The following BMPER variants were observed in gnomAD, a reference collection of about 807,000 sequenced individuals.
BMPER encodes BMP binding endothelial regulator.
A neutral mutation model predicts 87.3 loss-of-function variants in BMPER; 45 were observed. The observed-to-expected ratio is 0.52, with a 90% CI of 0.41 to 0.66. The LOEUF (loss-of-function observed/expected upper bound fraction) is 0.66. BMPER is among the 30% of genes least tolerant of loss of function. BMPER has a pLI of 0.00. For synonymous variants in BMPER, 326 were observed against 316.2 expected, an observed-to-expected ratio of 1.03 and a Z score of -0.33; for missense variants, 784 against 867.5, an observed-to-expected ratio of 0.90 and a Z score of 1.21.
intron 12 of BMPER, among the ~76,000 whole-genome samples, chr7:34,079,615 G>T (rs1412412937): frequency 6.6e-6 from 1 of 152,180 alleles, no homozygotes; most frequent in Non-Finnish European, 1.5e-5. Flanking sequence ...GAGAAATAGT[G>T]TTTCTATGTT....
At chr7:33,937,411 T>C (rs1784631725) in intron 3 of BMPER, 23 bp downstream of exon 3, 1 of 1,606,062 alleles carries the variant, frequency 6.2e-7, no homozygotes, top group African/African-American at 1.3e-5. Flanking sequence ...TTGGCCGTCT[T>C]CTCTTCTGGC....
Position 34,055,293 on chromosome 7 carries a change from A to G in BMPER, c.917A>G (p.Lys306Arg), listed in dbSNP as rs759924865. ...ATCAAAGTATGCAAATTTGGCAACAAGATTTTCCAGGTATGTCATGAGACA... is the reference window on the plus strand; with the variant it reads ...ATCAAAGTATGCAAATTTGGCAACAGGATTTTCCAGGTATGTCATGAGACA... Reference protein sequence around the residue: ...EDIKVCKFGNKIFQDGEMWSS... With the variant: ...EDIKVCKFGNRIFQDGEMWSS... The change falls in exon 9 of 15, where the codon AAG becomes AGG. Residue 306 changes from lysine to arginine, a missense_variant. Lys to Arg is a conservative substitution (Grantham distance 26). Coordinates refer to ENST00000649409, the MANE Select transcript of BMPER (RefSeq NM_001365308.1). 7.4e-6 allele frequency: 12 copies of G among 1,613,976 alleles called. No homozygotes were observed. The African/African-American group carries it at 1.1e-4, about 14-fold the overall frequency.
rs187872541 is a variant in BMPER at position 34,088,587 on chromosome 7, C to G, written c.1745+2495C>G. On this transcript the variant is annotated intron_variant, in intron 13 of 14. Coordinates refer to ENST00000649409, the MANE Select transcript of BMPER (RefSeq NM_001365308.1). ...AAGCTGGACTCCAGCCCAGCTCTGCCACTGTTAGCAGTGTGCCCTGGTGGC... is the reference window on the plus strand; with the variant it reads ...AAGCTGGACTCCAGCCCAGCTCTGCGACTGTTAGCAGTGTGCCCTGGTGGC... Among the ~76,000 whole-genome samples the G allele has an allele frequency of 2.0e-3, 299 of 152,316 alleles. 2 individuals are homozygous for G. In the Middle Eastern group the frequency reaches 0.031, roughly 16 times the overall value.
intron 6 of BMPER, among the ~76,000 whole-genome samples, chr7:34,035,134 A>G (rs1161222078): frequency 6.6e-6 from 1 of 152,220 alleles, no homozygotes; most frequent in Non-Finnish European, 1.5e-5. Flanking sequence ...ACCCAGGAGC[A>G]TCATGAGTTT....
In BMPER at chr7:33,915,034, C is replaced by T. The variant is rs1585630960; in HGVS notation, c.219+8131C>T. The stretch of plus-strand genomic sequence containing the variant: ...TCATAGATGAGATTCAGTGGATCCC[C>T]AGTTGGCAGGAATCCAAAACTAAGA... On this transcript the variant is annotated intron_variant, in intron 2 of 14. Transcript: ENST00000649409. 2.0e-5 allele frequency among the ~76,000 whole-genome samples: 3 copies of T among 152,230 alleles called. No individual in the cohort carries two copies. The South Asian group carries it at 6.2e-4, about 32-fold the overall frequency.
At chr7:33,937,183 T>A (rs1280199231) in intron 2 of BMPER, 106 bp from the exon 3 acceptor site, 8 of 1,189,514 alleles carry the variant, frequency 6.7e-6, no homozygotes, top group African/African-American at 1.5e-5. Flanking sequence ...TCTTGCCAAG[T>A]GAAGGCCAGA....
chr7:34,047,150 G>C (rs927523183), intron 7 of BMPER, among the ~76,000 whole-genome samples: 11 of 152,150 alleles, frequency 7.2e-5, no homozygotes, highest in Non-Finnish European at 1.5e-4. Context: ...CACCTTCCCT[G>C]GTGTCACAAG....
intron 3 of BMPER, among the ~76,000 whole-genome samples, chr7:33,939,748 A>T (rs886065275): frequency 1.3e-5 from 2 of 152,082 alleles, no homozygotes; most frequent in African/African-American, 4.8e-5. Flanking sequence ...ACCTTTTGCC[A>T]TGATTGTAAC....
chr7:34,018,749 G>A (rs369054161), intron 6 of BMPER, among the ~76,000 whole-genome samples: 27 of 151,970 alleles, frequency 1.8e-4, no homozygotes, highest in African/African-American at 6.5e-4. Context: ...TTTTGCCTTG[G>A]AAGTTGTCTC....
intron 13 of BMPER, among the ~76,000 whole-genome samples, chr7:34,130,133 T>G (rs1790544367): frequency 1.3e-5 from 2 of 152,158 alleles, no homozygotes; most frequent in Admixed American, 6.5e-5. Context: ...GCATCTTATC[T>G]TGGACTTCCT....
rs1385080973 is a variant in BMPER, at chr7:34,078,995, A to G, written c.1217A>G (p.Lys406Arg). 1.2e-6 allele frequency: 2 copies of G among 1,614,214 alleles called. No homozygotes were observed. The highest frequency in any genetic ancestry group is 2.7e-5 in the African/African-American group (2 of 75,054). ...GCCTCGCCCTTCCAGGTGCTGGTGA[A>G]GAACGACGCCCGCCGGACACGCTCC... ...SPASPFQVLV[K>R]NDARRTRSFS... Residue 406 changes from lysine to arginine, a missense_variant, in exon 12 of 15, where the codon AAG becomes AGG. By Grantham distance (26) the Lys-to-Arg change is conservative (BLOSUM62 2). Transcript: ENST00000649409.
At chr7:34,064,437 T>C (rs1445772206) in intron 11 of BMPER, among the ~76,000 whole-genome samples, 1 of 152,208 alleles carries the variant, frequency 6.6e-6, no homozygotes. Flanking sequence ...AGCTGGACTT[T>C]CCATATCTAG....
At chr7:33,918,651 C>T (rs1345712007) in intron 2 of BMPER, among the ~76,000 whole-genome samples, 1 of 152,232 alleles carries the variant, frequency 6.6e-6, no homozygotes, top group East Asian at 1.9e-4. Context: ...CACTTGGGAG[C>T]CGCTATGCCA....
intron 3 of BMPER, among the ~76,000 whole-genome samples, chr7:33,963,053 A>T (rs1467356934): frequency 6.6e-6 from 1 of 152,242 alleles, no homozygotes; most frequent in Non-Finnish European, 1.5e-5. Flanking sequence ...TAATTTTCAC[A>T]TGGCACCTGG....
chr7:34,065,243 T>TCTCC lies in BMPER; in HGVS notation c.1078+3199_1078+3200insCCTC, dbSNP rs1554313036. ...CTCTCTCTCTCTCTCTCTCTCTCTCTCTCTCCCTCTCTCTCTCTCTCCCCA... is the reference window on the plus strand; with the variant it reads ...CTCTCTCTCTCTCTCTCTCTCTCTCTCTCCCTCTCCCTCTCTCTCTCTCTCCCCA... On this transcript the variant is annotated intron_variant, in intron 11 of 14. Transcript: ENST00000649409. Among the ~76,000 whole-genome samples the TCTCC allele has an allele frequency of 1.3e-3, 167 of 130,322 alleles. 1 individual carries two copies. Among genetic ancestry groups the TCTCC allele is most frequent in the African/African-American group, 4.4e-3 (163 of 37,168 alleles). 85.5% of individuals were successfully genotyped at this position (130,322 alleles called of 152,430 possible).
At chr7:34,141,924 G>A (rs1444895123) in intron 13 of BMPER, among the ~76,000 whole-genome samples, 1 of 152,152 alleles carries the variant, frequency 6.6e-6, no homozygotes, top group Non-Finnish European at 1.5e-5. Context: ...TTTATACCCA[G>A]AGGTAGCTGA....
At chr7:34,079,879 C>T (rs1437087911) in intron 12 of BMPER, among the ~76,000 whole-genome samples, 2 of 152,142 alleles carry the variant, frequency 1.3e-5, no homozygotes, top group Non-Finnish European at 1.5e-5. Context: ...TTGGGCCAAA[C>T]TATTTTTGAC....
chr7:33,905,872 G>T, intron 1 of BMPER, 126 bp downstream of exon 1: 1 of 1,322,906 alleles, frequency 7.6e-7, no homozygotes, highest in Admixed American at 2.1e-5. Context: ...CCCTGCGCTG[G>T]TCGATGGGGA....
At chr7:33,926,229 A>G (rs991981770) in intron 2 of BMPER, among the ~76,000 whole-genome samples, 22 of 152,178 alleles carry the variant, frequency 1.4e-4, no homozygotes, top group Non-Finnish European at 5.9e-5. Flanking sequence ...GGTCAGATAG[A>G]TCTGAAATCT....
Sources: gnomAD v4.1 joint callset for allele counts (sites outside exome capture counted in the v4.1 genomes callset) on GRCh38, gnomAD v4.1.1 for gene constraint, MANE v1.5 for transcripts, NCBI Gene and HGNC (gene_info 2026-07-23, HGNC 2026-07-21) for gene names.